Variants in FRMPD4 observed in about 807,000 individuals in gnomAD.
FRMPD4 encodes the protein FERM and PDZ domain-containing protein 4.
A neutral mutation model predicts 94.1 loss-of-function variants in FRMPD4; 22 were observed. That is an observed-to-expected ratio of 0.23 (90% CI 0.17 to 0.33). The LOEUF (loss-of-function observed/expected upper bound fraction) is 0.33. FRMPD4 is among the 10% of genes least tolerant of loss of function. The probability of loss-of-function intolerance (pLI) is 1.00; values close to 1 mark genes in which losing one functional copy is unlikely to be tolerated. For synonymous variants in FRMPD4, 631 were observed against 548.6 expected, an observed-to-expected ratio of 1.15 and a Z score of -2.10; for missense variants, 1,111 against 1,339.9, an observed-to-expected ratio of 0.83 and a Z score of 2.67.
At chrX:12,267,230 C>T (rs1201384002) in intron 1 of FRMPD4, among the ~76,000 whole-genome samples, 2 of 111,942 alleles carry the variant, frequency 1.8e-5, no homozygotes, top group Non-Finnish European at 3.8e-5. Flanking sequence ...CCTTTTTCTC[C>T]ACATTGTAGG....
At chrX:12,037,680 A>G (rs187293692) in intron 3 of FRMPD4, among the ~76,000 whole-genome samples, 77 of 111,261 alleles carry the variant, frequency 6.9e-4, no homozygotes, top group African/African-American at 2.4e-3. Context: ...TTTATCATAC[A>G]GATACTAGGC....
chrX:11,904,568 A>G (rs1489778060), intron 3 of FRMPD4, among the ~76,000 whole-genome samples: 2 of 112,440 alleles, frequency 1.8e-5, no homozygotes, highest in African/African-American at 6.5e-5. Context: ...TGAAACAAAC[A>G]TTGAGTTTCC....
At chrX:12,541,999 A>G (rs1310043322) in intron 2 of FRMPD4, among the ~76,000 whole-genome samples, 1 of 112,392 alleles carries the variant, frequency 8.9e-6, no homozygotes, top group Non-Finnish European at 1.9e-5. Flanking sequence ...CCACATGATT[A>G]TCTCAATGGA....
chrX:12,426,418 C>T (rs1241299485), intron 1 of FRMPD4, among the ~76,000 whole-genome samples: 1 of 110,946 alleles, frequency 9.0e-6, no homozygotes, highest in Admixed American at 9.5e-5. Flanking sequence ...GATGAGTATT[C>T]GCAGTTGGAA....
chrX:11,886,714 G>A, intron 3 of FRMPD4, among the ~76,000 whole-genome samples: 1 of 106,964 alleles, frequency 9.3e-6, no homozygotes, highest in Admixed American at 1.0e-4. Flanking sequence ...TACACATAAA[G>A]TCAGCTCCAG....
rs772255596 is a variant in FRMPD4, at chrX:11,862,960, G to GTTT, written c.-160-2106_-160-2104dup. ...TGGAGGTGTGTGGTTAGGGAACTTG[G>GTTT]TTTTTTTTTTTTTTTTTTTTTTGAT... On this transcript the variant is annotated intron_variant, in intron 1 of 18. Transcript: ENST00000640291. Among the ~76,000 whole-genome samples the GTTT allele has an allele frequency of 9.8e-3, 469 of 47,619 alleles. 56 individuals carry two copies. Among genetic ancestry groups the GTTT allele is most frequent in the Non-Finnish European group, 0.013 (345 of 25,925 alleles). The allele number at this position is 47,619 out of a possible 115,157, so 41.4% of individuals were successfully genotyped here.
intron 1 of FRMPD4, among the ~76,000 whole-genome samples, chrX:12,318,647 G>A (rs1002397468): frequency 8.9e-6 from 1 of 111,791 alleles, no homozygotes; most frequent in African/African-American, 3.2e-5. Context: ...AGATGAAGAC[G>A]AGTTAGTTAG....
At chrX:12,333,161 A>G (rs1465026942) in intron 1 of FRMPD4, among the ~76,000 whole-genome samples, 1 of 112,282 alleles carries the variant, frequency 8.9e-6, no homozygotes, top group African/African-American at 3.2e-5. Flanking sequence ...TCTATGAATC[A>G]TAGAATAAGT....
intron 1 of FRMPD4, among the ~76,000 whole-genome samples, chrX:12,229,264 C>A (rs2056957884): frequency 9.0e-6 from 1 of 111,615 alleles, no homozygotes; most frequent in African/African-American, 3.3e-5. Flanking sequence ...GCATTCAAGT[C>A]AGGGAGATCA....
At chrX:12,621,874 A>AGGAAGGGAAGGGAAGTGAAGGGAAG (rs2059292080) in intron 4 of FRMPD4, among the ~76,000 whole-genome samples, 1 of 78,505 alleles carries the variant, frequency 1.3e-5, no homozygotes, top group Admixed American at 1.5e-4. Context: ...GAAAAAGGAA[A>AGGAAGGGAAGGGAAGTGAAGGGAAG]GGAAGGGAAG....
chrX:12,339,919 G>T (rs1251385761), intron 1 of FRMPD4, among the ~76,000 whole-genome samples: 1 of 112,366 alleles, frequency 8.9e-6, no homozygotes, highest in African/African-American at 3.2e-5. Flanking sequence ...CTGGCCAATG[G>T]TATTTCTTAA....
At chrX:12,201,979 TG>T (rs1488114152) in intron 1 of FRMPD4, among the ~76,000 whole-genome samples, 1 of 104,241 alleles carries the variant, frequency 9.6e-6, no homozygotes, top group African/African-American at 3.4e-5. Flanking sequence ...TTCTGTCCTC[TG>T]GGTGCTTTTT....
At chrX:12,080,918 T>G (rs781083868) in intron 3 of FRMPD4, among the ~76,000 whole-genome samples, 1 of 112,552 alleles carries the variant, frequency 8.9e-6, no homozygotes, top group East Asian at 2.8e-4. Flanking sequence ...CCCCAAAATG[T>G]GCCAGACTTA....
At chrX:12,667,568 A>T (rs1026970563) in intron 4 of FRMPD4, among the ~76,000 whole-genome samples, 17 of 112,669 alleles carry the variant, frequency 1.5e-4, no homozygotes, top group Non-Finnish European at 2.4e-4. Context: ...GCTCTAAAAA[A>T]CAGAGAACAC....
intron 1 of FRMPD4, among the ~76,000 whole-genome samples, chrX:12,281,849 G>A (rs1024188605): frequency 1.8e-5 from 2 of 110,802 alleles, no homozygotes; most frequent in African/African-American, 3.3e-5. Context: ...TTGAAAATTG[G>A]GGTTCAGAGA....
chrX:12,613,793 C>T (rs748280898), intron 3 of FRMPD4, among the ~76,000 whole-genome samples: 6 of 111,695 alleles, frequency 5.4e-5, no homozygotes, highest in East Asian at 2.8e-4. Context: ...CTGGCTAACA[C>T]GGTGAAACCC....
At chrX:12,396,900 T>C (rs1035690635) in intron 1 of FRMPD4, among the ~76,000 whole-genome samples, 2 of 111,963 alleles carry the variant, frequency 1.8e-5, no homozygotes, top group African/African-American at 6.5e-5. Context: ...ATAATCCTTA[T>C]ATTTGGTGAT....
At chrX:12,607,691 G>A (rs6639207) in intron 2 of FRMPD4, among the ~76,000 whole-genome samples, 56,879 of 110,768 alleles carry the variant, frequency 0.51, 12,255 homozygotes, top group Non-Finnish European at 0.69. Context: ...TGTCTCCATC[G>A]TAGGGGAATT....
At chrX:12,438,440 G>T (rs1234131400) in intron 1 of FRMPD4, among the ~76,000 whole-genome samples, 1 of 108,714 alleles carries the variant, frequency 9.2e-6, no homozygotes, top group East Asian at 2.8e-4. Context: ...TGAAAAGACA[G>T]TGTTGGGGGA....
Sources: gnomAD v4.1 joint callset for allele counts (sites outside exome capture counted in the v4.1 genomes callset) on GRCh38, gnomAD v4.1.1 for gene constraint, MANE v1.5 for transcripts, NCBI Gene and HGNC (gene_info 2026-07-23, HGNC 2026-07-21) for gene names.